Variants in GSTCD observed in about 807,000 individuals in gnomAD.
The protein encoded by GSTCD is glutathione S-transferase C-terminal domain-containing protein.
In GSTCD, 44 loss-of-function variants were observed where a neutral mutation model predicts 68.3. The ratio of observed to expected loss-of-function variants is 0.64; its 90% CI spans 0.51 to 0.83. GSTCD has a LOEUF of 0.83. Ranked by LOEUF, GSTCD falls within the 40% of genes least tolerant of loss-of-function variation. GSTCD has a pLI of 0.00. For synonymous variants in GSTCD, 273 were observed against 255.2 expected, an observed-to-expected ratio of 1.07 and a Z score of -0.67; for missense variants, 739 against 735.9, an observed-to-expected ratio of 1.00 and a Z score of -0.05.
Position 105,726,613 on chromosome 4 carries a change from T to G in GSTCD, c.929T>G (p.Val310Gly). 2 of 1,607,756 alleles carry G rather than the reference T, an allele frequency of 1.2e-6. No individual in the cohort carries two copies. Among genetic ancestry groups the G allele is most frequent in the Non-Finnish European group, 1.7e-6 (2 of 1,176,210 alleles). ...AGCAGGAAATTTTCTGAGAAGCTGG[T>G]AGAATTTCCATTGCTAGCCTCTTGG... is the stretch of plus-strand genomic sequence containing the variant. ...IISRKFSEKL[V>G]EFPLLASWYQ... Residue 310 changes from valine to glycine, a missense_variant, in exon 4 of 12, where the codon GTA becomes GGA. Val to Gly is a moderately radical substitution (Grantham distance 109). Transcript: ENST00000515279.
At chr4:105,723,196 TC>T (rs1732926225) in intron 3 of GSTCD, among the ~76,000 whole-genome samples, 1 of 151,966 alleles carries the variant, frequency 6.6e-6, no homozygotes, top group African/African-American at 2.4e-5. Flanking sequence ...AAAGATCCAT[TC>T]CCTTAGCACC....
chr4:105,758,281 G>A (rs923565036), intron 5 of GSTCD, among the ~76,000 whole-genome samples: 1 of 152,022 alleles, frequency 6.6e-6, no homozygotes, highest in Non-Finnish European at 1.5e-5. Flanking sequence ...GTTATTCCCC[G>A]TGATACAGCT....
At chr4:105,825,537 A>G (rs1403638633) in intron 7 of GSTCD, 135 bp from the exon 8 acceptor site, 3 of 511,056 alleles carry the variant, frequency 5.9e-6, no homozygotes, top group African/African-American at 3.9e-5. Flanking sequence ...ATTATGTGAC[A>G]TACTTCCTGC....
rs191282051 is a variant in GSTCD at position 105,784,783 on chromosome 4, A to G, written c.1241-38171A>G. Among the ~76,000 whole-genome samples the G allele has an allele frequency of 5.7e-4, 86 of 152,204 alleles. No homozygotes were observed. The East Asian group carries it at 0.017, about 29-fold the overall frequency. ...CAATGGATTACATTCTATTATTATC[A>G]TTATTTATTTTGATACTCAAATTTT... On this transcript the variant is annotated intron_variant, in intron 5 of 11. Transcript: ENST00000515279.
rs567460595 is a variant in GSTCD, at chr4:105,710,383, G to A, written c.-22+1367G>A. On this transcript the variant is annotated intron_variant, in intron 1 of 11. Transcript: ENST00000515279. ...TTACAGGCGCCCACAATCACACTCG[G>A]CTCCTTTTTTTTTTTTTTTTTTTTC... Among the ~76,000 whole-genome samples, 78 of 145,764 alleles carry A rather than the reference G, an allele frequency of 5.4e-4. No homozygotes were observed. The East Asian group carries it at 9.4e-3, about 18-fold the overall frequency.
At chr4:105,774,530 T>C (rs889084086) in intron 5 of GSTCD, among the ~76,000 whole-genome samples, 1 of 152,238 alleles carries the variant, frequency 6.6e-6, no homozygotes, top group Non-Finnish European at 1.5e-5. Context: ...TCAGGAGCTC[T>C]TGTAAGGCAG....
intron 5 of GSTCD, among the ~76,000 whole-genome samples, chr4:105,750,262 G>A (rs1007821350): frequency 2.6e-5 from 4 of 152,020 alleles, no homozygotes; most frequent in South Asian, 2.1e-4. Context: ...TCAGGAGTTC[G>A]ATACCAGCCT....
intron 10 of GSTCD, 133 bp downstream of exon 10, chr4:105,838,022 T>G: frequency 2.6e-6 from 1 of 384,986 alleles, no homozygotes. Flanking sequence ...TATGGGTTTC[T>G]TTTTCTCTTT....
In GSTCD at chr4:105,726,763, C is replaced by T. The variant is rs768475694; in HGVS notation, c.1079C>T (p.Pro360Leu). ...TEQHPNLCEVPGVEEQSDPLF... is the reference protein window; with the variant it reads ...TEQHPNLCEVLGVEEQSDPLF... ...CAGCATCCAAACTTATGTGAAGTCC[C>T]AGGTGTAGAAGAGCAAAGCGATCCT... The change falls in exon 4 of 12, where the codon CCA (proline) becomes CTA (leucine). Residue 360 changes from proline (P) to leucine (L), a missense_variant. Coordinates refer to ENST00000515279, the MANE Select transcript of GSTCD (RefSeq NM_001370181.1). The T allele has an allele frequency of 8.7e-6, 14 of 1,613,698 alleles. No homozygotes were observed. In the South Asian group the frequency reaches 1.5e-4, roughly 18 times the overall value.
At chr4:105,781,353 ATCC>A (rs1310433836) in intron 5 of GSTCD, among the ~76,000 whole-genome samples, 1 of 151,130 alleles carries the variant, frequency 6.6e-6, no homozygotes, top group Non-Finnish European at 1.5e-5. Context: ...AGCTAAAGGG[ATCC>A]TCCCCCTCAG....
chr4:105,751,030 A>G (rs1362042282), intron 5 of GSTCD, among the ~76,000 whole-genome samples: 3 of 152,188 alleles, frequency 2.0e-5, no homozygotes, highest in Non-Finnish European at 4.4e-5. Context: ...TTTGTTACAC[A>G]ACTTTATACA....
intron 5 of GSTCD, among the ~76,000 whole-genome samples, chr4:105,754,440 A>C (rs1734112351): frequency 6.6e-6 from 1 of 152,194 alleles, no homozygotes; most frequent in East Asian, 1.9e-4. Context: ...ATGTTTATAG[A>C]TGTGAATTTT....
At chr4:105,733,913 C>T (rs984119351) in intron 5 of GSTCD, among the ~76,000 whole-genome samples, 2 of 152,148 alleles carry the variant, frequency 1.3e-5, no homozygotes, top group African/African-American at 2.4e-5. Context: ...ATTTGCTTGT[C>T]TGTAACGGAT....
chr4:105,840,355 T>C (rs138021560), intron 10 of GSTCD: 5 of 254,672 alleles, frequency 2.0e-5, no homozygotes, highest in East Asian at 9.2e-5. Flanking sequence ...AAGTTATTCA[T>C]TGAAACCATT....
chr4:105,744,717 A>G (rs1733744615), intron 5 of GSTCD, among the ~76,000 whole-genome samples: 1 of 152,172 alleles, frequency 6.6e-6, no homozygotes, highest in Non-Finnish European at 1.5e-5. Flanking sequence ...GGCTTATCTT[A>G]TCATTTACCT....
chr4:105,804,309 G>T (rs1361865932), intron 5 of GSTCD, among the ~76,000 whole-genome samples: 1 of 151,990 alleles, frequency 6.6e-6, no homozygotes, highest in Non-Finnish European at 1.5e-5. Context: ...GTATTTATTA[G>T]ATAGTTTTTA....
At chr4:105,800,257 G>A (rs1253135960) in intron 5 of GSTCD, among the ~76,000 whole-genome samples, 2 of 152,106 alleles carry the variant, frequency 1.3e-5, no homozygotes, top group African/African-American at 4.8e-5. Flanking sequence ...GCTTGTGCAA[G>A]GAAACTCTCA....
intron 9 of GSTCD, among the ~76,000 whole-genome samples, chr4:105,836,843 C>G (rs1260576584): frequency 6.6e-6 from 1 of 152,170 alleles, no homozygotes; most frequent in Non-Finnish European, 1.5e-5. Context: ...GTGAATAAGA[C>G]CTATCTCAAT....
Position 105,845,953 on chromosome 4 carries a change from T to C in GSTCD, c.*376T>C, listed in dbSNP as rs1724530592. The C allele has an allele frequency of 6.0e-6, 1 of 168,014 alleles. No individual in the cohort carries two copies. The highest frequency in any genetic ancestry group is 1.7e-4 in the South Asian group (1 of 5,760). The allele number at this position is 168,014 out of a possible 1,614,324, so 10.4% of individuals were successfully genotyped here. ...ACTTACAGCCTTTATTTTATACTTA[T>C]TTAGATATTCACATGGGAACTGAAA... On this transcript the variant is annotated 3_prime_UTR_variant, in exon 12 of 12. Transcript: ENST00000515279.
Sources: allele counts gnomAD v4.1 joint callset (sites outside exome capture counted in the v4.1 genomes callset), GRCh38; gene constraint gnomAD v4.1.1; transcripts MANE v1.5; gene names NCBI Gene and HGNC (gene_info 2026-07-23, HGNC 2026-07-21).